TUSC3: variants seen among roughly 807,000 people sequenced by gnomAD.
The protein encoded by TUSC3 is tumor suppressor candidate 3.
A neutral mutation model predicts 44.8 loss-of-function variants in TUSC3; 45 were observed. That is an observed-to-expected ratio of 1.00 (90% CI 0.79 to 1.29). TUSC3 has a LOEUF of 1.29. Ranked by LOEUF, TUSC3 falls within the 50% of genes most tolerant of loss-of-function variation. The probability of loss-of-function intolerance (pLI) is 0.00; values close to 1 mark genes in which losing one functional copy is unlikely to be tolerated. For missense variants in TUSC3, 519 were observed against 437.9 expected (o/e 1.19, Z -1.65); for synonymous variants, 212 against 152.9 (o/e 1.39, Z -2.85).
downstream of TUSC3, among the ~76,000 whole-genome samples, chr8:15,769,041 A>G (rs28885990): frequency 0.027 from 4,119 of 152,258 alleles, 178 homozygotes; most frequent in African/African-American, 0.093. Flanking sequence ...TCAACCTGCC[A>G]TTGACTTTCT....
chr8:15,622,368 A>G (rs1213615782), intron 1 of TUSC3, among the ~76,000 whole-genome samples: 2 of 151,900 alleles, frequency 1.3e-5, no homozygotes, highest in Non-Finnish European at 2.9e-5. Flanking sequence ...CTTGGGCTCA[A>G]GTGATCCTCC....
chr8:15,505,042 A>C (rs930481986), intron 2 of TUSC3, among the ~76,000 whole-genome samples: 2 of 152,148 alleles, frequency 1.3e-5, no homozygotes, highest in African/African-American at 4.8e-5. Context: ...AAATAATAAA[A>C]ATATTGCTGC....
the TUSC3 span, among the ~76,000 whole-genome samples, chr8:15,847,120 A>G: frequency 3.3e-5 from 5 of 152,132 alleles, no homozygotes; most frequent in African/African-American, 9.7e-5. Flanking sequence ...TGGATTTCAA[A>G]GAGACTTCTG....
At chr8:15,787,521 T>C in the TUSC3 span, among the ~76,000 whole-genome samples, 1 of 152,350 alleles carries the variant, frequency 6.6e-6, no homozygotes, top group South Asian at 2.1e-4. Flanking sequence ...TGAGGGATTT[T>C]ATGATGTCAA....
chr8:15,689,158 A>C (rs1016955305), intron 6 of TUSC3: 9 of 400,704 alleles, frequency 2.2e-5, no homozygotes, highest in South Asian at 1.2e-4. Context: ...TTTTCTTTCC[A>C]CTCTGCTTCT....
At chr8:15,630,578 G>A (rs889267527) in intron 2 of TUSC3, among the ~76,000 whole-genome samples, 3 of 152,130 alleles carry the variant, frequency 2.0e-5, no homozygotes, top group Non-Finnish European at 4.4e-5. Flanking sequence ...GCTAGTAACT[G>A]TTCAGGGTTG....
chr8:15,562,358 T>G (rs1802508837), intron 1 of TUSC3, among the ~76,000 whole-genome samples: 1 of 152,186 alleles, frequency 6.6e-6, no homozygotes, highest in Non-Finnish European at 1.5e-5. Flanking sequence ...CCATCCGTCT[T>G]ATCTCCTCTC....
chr8:15,471,517 A>G (rs1585057123), intron 1 of TUSC3, among the ~76,000 whole-genome samples: 1 of 134,832 alleles, frequency 7.4e-6, no homozygotes, highest in African/African-American at 2.7e-5. Flanking sequence ...GATTTCTTAA[A>G]TTAACTTAAA....
intron 2 of TUSC3, among the ~76,000 whole-genome samples, chr8:15,521,323 T>C (rs758689534): frequency 1.3e-5 from 2 of 152,092 alleles, no homozygotes; most frequent in African/African-American, 2.4e-5. Flanking sequence ...AGTGACAATA[T>C]ACCCTTAACT....
At position 15,562,044 on chromosome 8, in the gene TUSC3, T is replaced by G. The variant is rs561593596; in HGVS notation, c.138+21476T>G. Among the ~76,000 whole-genome samples, 32 of 152,208 alleles carry G rather than the reference T, an allele frequency of 2.1e-4. 1 individual carries two copies. Among genetic ancestry groups the G allele is most frequent in the African/African-American group, 7.7e-4 (32 of 41,536 alleles). Reference sequence around the variant, plus strand: ...GGCTCCTCTCTTCAAAAATCAATTTTTAAGTAGGCCTTCATAGCTAAGATG... The same window carrying G: ...GGCTCCTCTCTTCAAAAATCAATTTGTAAGTAGGCCTTCATAGCTAAGATG... On this transcript the variant is annotated intron_variant, in intron 1 of 10. Transcript: ENST00000503731.
chr8:15,752,938 C>G (rs1202668063), intron 9 of TUSC3, among the ~76,000 whole-genome samples: 1 of 151,878 alleles, frequency 6.6e-6, no homozygotes, highest in Non-Finnish European at 1.5e-5. Flanking sequence ...CAAGGAAAAA[C>G]TTCCTTATTC....
intron 8 of TUSC3, among the ~76,000 whole-genome samples, chr8:15,747,215 A>T (rs1246810736): frequency 6.6e-6 from 1 of 152,084 alleles, no homozygotes; most frequent in Non-Finnish European, 1.5e-5. Context: ...ATTGGAAAAA[A>T]TTTTAAAAAT....
intron 10 of TUSC3, among the ~76,000 whole-genome samples, chr8:15,760,004 GT>G (rs1422539249): frequency 1.3e-5 from 2 of 151,988 alleles, no homozygotes; most frequent in African/African-American, 4.8e-5. Flanking sequence ...TGAGTACCTT[GT>G]GTCTTTTTCT....
At chr8:15,534,378 G>A (rs546232431) in intron 2 of TUSC3, among the ~76,000 whole-genome samples, 46 of 152,082 alleles carry the variant, frequency 3.0e-4, no homozygotes, top group South Asian at 8.3e-4. Flanking sequence ...GCGCGGTGAC[G>A]CACACCTGTA....
At chr8:15,424,377 A>G (rs893270839) in intron 1 of TUSC3, among the ~76,000 whole-genome samples, 6 of 152,074 alleles carry the variant, frequency 3.9e-5, no homozygotes, top group African/African-American at 7.2e-5. Flanking sequence ...ATCCATCTCA[A>G]AATAGGACAT....
At chr8:15,621,324 G>C (rs902322023) in intron 1 of TUSC3, among the ~76,000 whole-genome samples, 1 of 151,274 alleles carries the variant, frequency 6.6e-6, no homozygotes, top group African/African-American at 2.4e-5. Flanking sequence ...CTATTAAATG[G>C]TGCTTAACAT....
At chr8:15,727,752 T>C (rs1810556876) in intron 6 of TUSC3, among the ~76,000 whole-genome samples, 1 of 152,218 alleles carries the variant, frequency 6.6e-6, no homozygotes, top group Non-Finnish European at 1.5e-5. Context: ...TAAGATCAAG[T>C]GAACAAGATA....
chr8:15,427,824 A>T (rs1045873539), intron 1 of TUSC3, among the ~76,000 whole-genome samples: 3 of 150,382 alleles, frequency 2.0e-5, no homozygotes, highest in Admixed American at 6.6e-5. Flanking sequence ...AAAATCTTTG[A>T]CAACACCAAT....
At chr8:15,776,240 T>A in the TUSC3 span, among the ~76,000 whole-genome samples, 13 of 152,160 alleles carry the variant, frequency 8.5e-5, no homozygotes, top group Non-Finnish European at 1.2e-4. Flanking sequence ...CAGTTTTACC[T>A]ATAAACATGT....
Sources: gnomAD v4.1 joint callset for allele counts (sites outside exome capture counted in the v4.1 genomes callset) on GRCh38, gnomAD v4.1.1 for gene constraint, MANE v1.5 for transcripts, NCBI Gene and HGNC (gene_info 2026-07-23, HGNC 2026-07-21) for gene names.